The following CHD7 variants were observed in gnomAD, a reference collection of about 807,000 sequenced individuals.
CHD7 encodes the protein ATP-dependent chromatin remodeler CHD7.
Under a neutral mutation model 307.3 loss-of-function variants are expected in CHD7, and 24 were observed. That is an observed-to-expected ratio of 0.08 (90% CI 0.06 to 0.11). The LOEUF (loss-of-function observed/expected upper bound fraction) is 0.11, where lower values mean the gene tolerates loss of function less well. CHD7 is among the 10% of genes least tolerant of loss of function. The pLI, the probability that CHD7 is intolerant of heterozygous loss-of-function variation, is 1.00. For synonymous variants in CHD7, 1,363 were observed against 1,349.9 expected (o/e 1.01, Z -0.21); for missense variants, 3,106 against 3,727.1 (o/e 0.83, Z 4.34).
At chr8:60,805,383 G>A (rs1181292019) in intron 6 of CHD7, among the ~76,000 whole-genome samples, 2 of 152,160 alleles carry the variant, frequency 1.3e-5, no homozygotes, top group Non-Finnish European at 2.9e-5. Context: ...AGAACCAAGT[G>A]TTGTATTCTG....
At chr8:60,753,462 A>G (rs1295146556) in intron 2 of CHD7, among the ~76,000 whole-genome samples, 1 of 152,126 alleles carries the variant, frequency 6.6e-6, no homozygotes, top group African/African-American at 2.4e-5. Flanking sequence ...TTGCAGTTTT[A>G]CTTTTTGCAA....
rs781760755 is a variant in CHD7, at chr8:60,852,631, A to G, written c.6028A>G (p.Ser2010Gly). The change falls in exon 30 of 38, where the codon AGT (serine) becomes GGT (glycine). Residue 2010 changes from serine to glycine, a missense_variant. Around this residue, in one of 10 missense-constraint regions of CHD7, gnomAD observed 1,030 missense variants for 1,165.4 expected, o/e 0.88. Coordinates refer to ENST00000423902, the MANE Select transcript of CHD7 (RefSeq NM_017780.4). ...CAGGCTTGACAAAAAATCTGATGAG[A>G]GTTTGGAGAAATACTTCAGTTGTTT... ...FARLDKKSDE[S>G]LEKYFSCFVA... is the part of the protein sequence containing the mutation. The G allele has an allele frequency of 1.2e-6, 2 of 1,613,952 alleles. No individual in the cohort carries two copies. Among genetic ancestry groups the G allele is most frequent in the Non-Finnish European group, 1.7e-6 (2 of 1,179,888 alleles).
At chr8:60,821,675 CAT>C (rs549229393) in intron 9 of CHD7, 113 bp from the exon 10 acceptor site, 40 of 766,952 alleles carry the variant, frequency 5.2e-5, no homozygotes, top group African/African-American at 8.9e-5. Context: ...TATGTATAAA[CAT>C]ATATATACAC....
chr8:60,683,606 A>G (rs866615137), intron 1 of CHD7, among the ~76,000 whole-genome samples: 1 of 152,240 alleles, frequency 6.6e-6, no homozygotes, highest in South Asian at 2.1e-4. Context: ...TTAGAGAGCT[A>G]GTTGAACTTT....
chr8:60,852,118 G>A lies in CHD7; in HGVS notation c.5765G>A (p.Arg1922His), dbSNP rs1415922203. The A allele has an allele frequency of 9.3e-6, 15 of 1,613,990 alleles. No homozygotes were observed. The highest frequency in any genetic ancestry group is 2.2e-5 in the South Asian group (2 of 91,086). Reference protein sequence around the residue: ...RLRRLITAYQRSYKRQQMRQE... With the variant: ...RLRRLITAYQHSYKRQQMRQE... ...CGCCGGCTCATTACTGCCTATCAGCGCAGCTATAAAAGGCAACAGATGAGG... is the reference window on the plus strand; with the variant it reads ...CGCCGGCTCATTACTGCCTATCAGCACAGCTATAAAAGGCAACAGATGAGG... Residue 1922 changes from arginine (R) to histidine (H), a missense_variant, in exon 29 of 38, where the codon CGC becomes CAC. Physicochemically the swap from Arg to His is conservative, Grantham distance 29. Around this residue, in one of 10 missense-constraint regions of CHD7, gnomAD observed 1,030 missense variants for 1,165.4 expected, o/e 0.88. Transcript: ENST00000423902.
chr8:60,866,312 T>C lies in CHD7; in HGVS notation c.*379T>C, dbSNP rs562875420. 6.5e-6 allele frequency: 1 copy of C among 154,410 alleles called. No homozygotes were observed. Among genetic ancestry groups the C allele is most frequent in the East Asian group, 1.9e-4 (1 of 5,268 alleles). The allele number at this position is 154,410 out of a possible 1,614,324, so 9.6% of individuals were successfully genotyped here. On this transcript the variant is annotated 3_prime_UTR_variant, in exon 38 of 38. Coordinates refer to ENST00000423902, the MANE Select transcript of CHD7 (RefSeq NM_017780.4). ...GGAAGTATGAAGTTATATATTTAAT[T>C]TTTTAATTTTAATTTTTAATTTTTT...
chr8:60,694,962 A>T (rs1245376054), intron 1 of CHD7, among the ~76,000 whole-genome samples: 1 of 152,162 alleles, frequency 6.6e-6, no homozygotes, highest in Non-Finnish European at 1.5e-5. Flanking sequence ...CTAGAGGCAA[A>T]AAGTCAGAGG....
intron 1 of CHD7, among the ~76,000 whole-genome samples, chr8:60,709,484 A>T (rs1472228620): frequency 6.6e-6 from 1 of 152,228 alleles, no homozygotes; most frequent in African/African-American, 2.4e-5. Flanking sequence ...AGTTACTTGC[A>T]ACTAAAGTAT....
chr8:60,839,987 A>G (rs1563646993), intron 19 of CHD7, among the ~76,000 whole-genome samples: 1 of 152,030 alleles, frequency 6.6e-6, no homozygotes, highest in African/African-American at 2.4e-5. Flanking sequence ...AGATTTGCCT[A>G]CTCTGGACGG....
rs1047690374 is a variant in CHD7 at position 60,854,369 on chromosome 8, C to T, written c.6782C>T (p.Ala2261Val). The T allele has an allele frequency of 1.9e-6, 3 of 1,613,198 alleles. No homozygotes were observed. The Admixed American group carries it at 5.0e-5, about 27-fold the overall frequency. ...ACATTAACTCATTTCTCAGCAGGAG[C>T]TGTCTCTAGAGGGAAGAATTTTGAT... ...SEESSQPEAG[A>V]VSRGKNFDEE... The change falls in exon 32 of 38, where the codon GCT becomes GTT. Residue 2261 changes from alanine (A) to valine (V), a missense_variant. Physicochemically the swap from Ala to Val is moderately conservative, Grantham distance 64 (BLOSUM62 0). Around this residue, in one of 10 missense-constraint regions of CHD7, gnomAD observed 1,030 missense variants for 1,165.4 expected, o/e 0.88. Transcript: ENST00000423902.
chr8:60,844,952 C>T lies in CHD7; in HGVS notation c.4939C>T (p.Leu1647=), dbSNP rs913573032. The T allele has an allele frequency of 1.2e-6, 2 of 1,613,828 alleles. No individual in the cohort carries two copies. The highest frequency in any genetic ancestry group is 1.7e-6 in the Non-Finnish European group (2 of 1,179,848). Residue 1647 remains leucine (L), a synonymous_variant, in exon 22 of 38, where the codon CTG becomes TTG. Transcript: ENST00000423902. The part of the protein sequence containing the change: ...QDVETICRTI[L]VYCLNHYKGD... ...TGTAGAAACCATCTGCAGAACCATC[C>T]TGGTGTACTGTCTTAATCATTACAA... is the stretch of plus-strand genomic sequence containing the variant.
At chr8:60,779,123 A>G (rs1811085017) in intron 2 of CHD7, among the ~76,000 whole-genome samples, 1 of 152,218 alleles carries the variant, frequency 6.6e-6, no homozygotes, top group Admixed American at 6.5e-5. Flanking sequence ...AGATTTTTTA[A>G]TGCCACAGGA....
intron 7 of CHD7, among the ~76,000 whole-genome samples, chr8:60,816,113 G>GTCTGTCTCTCTCTCTCTC (rs58405811): frequency 1.0e-4 from 14 of 139,234 alleles, no homozygotes; most frequent in African/African-American, 3.7e-4. Context: ...CTGTCTGTCT[G>GTCTGTCTCTCTCTCTCTC]TCTCTCTCTC....
At chr8:60,719,300 A>C (rs2150540077) in intron 1 of CHD7, among the ~76,000 whole-genome samples, 1 of 152,336 alleles carries the variant, frequency 6.6e-6, no homozygotes, top group East Asian at 1.9e-4. Flanking sequence ...TAGGCTGAAA[A>C]TATTTTGTAA....
Position 60,836,146 on chromosome 8 carries a change from A to T in CHD7, c.3852A>T (p.Ala1284=), listed in dbSNP as rs1159423857. The change falls in exon 16 of 38, where the codon GCA becomes GCT. Residue 1284 remains alanine (A), a synonymous_variant. Transcript: ENST00000423902. ...AGTCTCCAGATTTTCAGCTCCAGGC[A>T]ATGATCCAGGCTGCTGGCAAGCTAG... ...NAESPDFQLQ[A]MIQAAGKLVL... is the part of the protein sequence containing the mutation. 2 of 1,613,634 alleles carry T rather than the reference A, an allele frequency of 1.2e-6. No individual in the cohort carries two copies. Among genetic ancestry groups the T allele is most frequent in the Admixed American group, 3.3e-5 (2 of 59,958 alleles).
chr8:60,824,101 GTAA>G (rs553648466), intron 13 of CHD7, 85 bp downstream of exon 13: 1 of 1,152,474 alleles, frequency 8.7e-7, no homozygotes, highest in South Asian at 1.4e-5. Context: ...TTTGATGCCT[GTAA>G]ACAGTATTTG....
Position 60,749,092 on chromosome 8 carries a change from G to A in CHD7, c.1665+5995G>A, listed in dbSNP as rs536317317. The stretch of plus-strand genomic sequence containing the variant: ...TACCCAGTAAATAAAGAATTACAAG[G>A]CCGGGCGTGGTGGCTCACGCCTGTA... On this transcript the variant is annotated intron_variant, in intron 2 of 37. Coordinates refer to ENST00000423902, the MANE Select transcript of CHD7 (RefSeq NM_017780.4). Among the ~76,000 whole-genome samples the A allele has an allele frequency of 2.4e-4, 36 of 151,934 alleles. No individual in the cohort carries two copies. The South Asian group carries it at 6.6e-3, about 28-fold the overall frequency.
intron 6 of CHD7, among the ~76,000 whole-genome samples, chr8:60,802,874 A>G (rs1029184646): frequency 8.5e-5 from 13 of 152,172 alleles, no homozygotes; most frequent in African/African-American, 2.9e-4. Flanking sequence ...TTGTTTTGCT[A>G]TTGTGTGATT....
intron 7 of CHD7, among the ~76,000 whole-genome samples, chr8:60,816,077 C>G (rs1466778914): frequency 2.0e-5 from 3 of 151,306 alleles, no homozygotes; most frequent in Non-Finnish European, 4.4e-5. Context: ...AGGCCATTCT[C>G]TCTCTTCTCT....
Sources: allele counts gnomAD v4.1 joint callset (sites outside exome capture counted in the v4.1 genomes callset), GRCh38; gene constraint gnomAD v4.1.1; regional missense constraint gnomAD v4.1.1; transcripts MANE v1.5; gene names NCBI Gene and HGNC (gene_info 2026-07-23, HGNC 2026-07-21).